Variants in GCA observed in about 807,000 individuals in gnomAD.
The protein encoded by GCA is grancalcin.
Under a neutral mutation model 32.6 loss-of-function variants are expected in GCA, and 30 were observed. The observed-to-expected ratio is 0.92, with a 90% CI of 0.69 to 1.25. The LOEUF is 1.25. Ranked by LOEUF, GCA falls within the 50% of genes most tolerant of loss-of-function variation. GCA has a pLI of 0.00. For missense variants in GCA, 291 were observed against 266.8 expected, an observed-to-expected ratio of 1.09 and a Z score of -0.63; for synonymous variants, 102 against 84.6, an observed-to-expected ratio of 1.21 and a Z score of -1.13.
At chr2:162,329,485 AT>A (rs1334775735) in intron 1 of GCA, among the ~76,000 whole-genome samples, 27 of 152,126 alleles carry the variant, frequency 1.8e-4, no homozygotes, top group African/African-American at 6.3e-4. Context: ...AGTTATATAA[AT>A]TACATTTTAA....
upstream of GCA, among the ~76,000 whole-genome samples, chr2:162,340,191 G>T (rs1314616646): frequency 6.6e-6 from 1 of 152,156 alleles, no homozygotes; most frequent in African/African-American, 2.4e-5. Flanking sequence ...AGATGCAAAT[G>T]CTGAGTGGTT....
Position 162,360,638 on chromosome 2 carries a change from C to A in GCA, c.*395C>A. ...ACTTATCTGAAGGTTACAAATTAGA[C>A]TTTTAAATTTTCTTTGTAGTTGGTG... On this transcript the variant is annotated 3_prime_UTR_variant, in exon 8 of 8. Transcript: ENST00000437150. The A allele has an allele frequency of 8.0e-7, 1 of 1,244,560 alleles. No individual in the cohort carries two copies. Among genetic ancestry groups the A allele is most frequent in the Non-Finnish European group, 1.0e-6 (1 of 990,016 alleles). The allele number at this position is 1,244,560 out of a possible 1,614,324, so 77.1% of individuals were successfully genotyped here.
intron 1 of GCA, among the ~76,000 whole-genome samples, chr2:162,320,350 G>A (rs1213484606): frequency 6.6e-6 from 1 of 152,180 alleles, no homozygotes; most frequent in East Asian, 1.9e-4. Context: ...TTGGGTCTAT[G>A]AAAATATCTT....
At chr2:162,371,927 G>A (rs1473729861), downstream of GCA, 1 of 1,613,762 alleles carries the variant, frequency 6.2e-7, no homozygotes, top group African/African-American at 1.3e-5. Flanking sequence ...TGCCTAATTG[G>A]ATGAACGTAA....
chr2:162,373,866 TC>T (rs1686058684), downstream of GCA, among the ~76,000 whole-genome samples: 1 of 152,240 alleles, frequency 6.6e-6, no homozygotes. Context: ...ACTATTGCTT[TC>T]CTGTTCATAT....
At chr2:162,370,115 G>A (rs1216235630) in intron 4 of GCA, among the ~76,000 whole-genome samples, 2 of 152,122 alleles carry the variant, frequency 1.3e-5, no homozygotes, top group Non-Finnish European at 2.9e-5. Flanking sequence ...GCAATCTAAG[G>A]TCACTTTAAT....
exon 1 of GCA, chr2:162,319,223 G>C (rs1424139233): frequency 2.2e-6 from 1 of 457,006 alleles, no homozygotes; most frequent in Non-Finnish European, 4.4e-6. Context: ...TGGGAATTTG[G>C]AGGTGGGTTC....
At chr2:162,325,788 C>A (rs571951253) in intron 1 of GCA, among the ~76,000 whole-genome samples, 2 of 152,276 alleles carry the variant, frequency 1.3e-5, no homozygotes, top group South Asian at 4.1e-4. Context: ...TAACATCTCT[C>A]CAGGAGAGTT....
rs751690544 is a variant in GCA at position 162,356,863 on chromosome 2, A to G, written c.412A>G (p.Thr138Ala). 3.7e-6 allele frequency: 6 copies of G among 1,610,292 alleles called. No homozygotes were observed. The South Asian group carries it at 6.6e-5, about 18-fold the overall frequency. ...FMTVDQDGSG[T>A]VEHHELRQAI... ...GACTGTTGATCAAGATGGAAGTGGCACAGTAGAACATCATGAGTTGCGTCA... is the reference window on the plus strand; with the variant it reads ...GACTGTTGATCAAGATGGAAGTGGCGCAGTAGAACATCATGAGTTGCGTCA... Residue 138 changes from threonine to alanine, a missense_variant, in exon 5 of 8, where the codon ACA becomes GCA. Transcript: ENST00000437150.
At position 162,344,210 on chromosome 2, in the gene GCA, G is replaced by T. The variant is rs774844613; in HGVS notation, c.-39G>T. On this transcript the variant is annotated 5_prime_UTR_variant, in exon 1 of 8. Coordinates refer to ENST00000437150, the MANE Select transcript of GCA (RefSeq NM_012198.5). ...CTTTTTCTCCCAGCACTGCGGACGC[G>T]ACTCGAGGGTGACGCTCGCTCCGCT... 65 of 1,613,108 alleles carry T rather than the reference G, an allele frequency of 4.0e-5. 1 individual carries two copies. The South Asian group carries it at 6.7e-4, about 17-fold the overall frequency.
intron 1 of GCA, among the ~76,000 whole-genome samples, chr2:162,337,629 G>A (rs1016713765): frequency 2.6e-5 from 4 of 152,024 alleles, no homozygotes; most frequent in Non-Finnish European, 5.9e-5. Flanking sequence ...GCATTAATTG[G>A]GCTCATTATA....
rs1685944684 is a variant in GCA at position 162,371,495 on chromosome 2, G to A, written c.*115G>A. The A allele has an allele frequency of 8.1e-6, 10 of 1,242,206 alleles. No homozygotes were observed. The Admixed American group carries it at 8.1e-5, about 10-fold the overall frequency. The allele number at this position is 1,242,206 out of a possible 1,614,324, so 76.9% of individuals were successfully genotyped here. Reference sequence around the variant, plus strand: ...TTTGCGTGGAAGGCATTTTCATAACGAAGTACTGGTTTAGTAAAAGCAGTA... The same window carrying A: ...TTTGCGTGGAAGGCATTTTCATAACAAAGTACTGGTTTAGTAAAAGCAGTA... On this transcript the variant is annotated 3_prime_UTR_variant, in exon 5 of 5. Transcript: ENST00000414723.
At chr2:162,371,720 T>C, downstream of GCA, 2 of 1,070,250 alleles carry the variant, frequency 1.9e-6, no homozygotes, top group Non-Finnish European at 2.6e-6. Context: ...CTTTTGCATA[T>C]AATGGTACCT....
chr2:162,332,738 GAACATAAGGAA>G (rs1684142200), intron 1 of GCA, among the ~76,000 whole-genome samples: 1 of 151,484 alleles, frequency 6.6e-6, no homozygotes, highest in Non-Finnish European at 1.5e-5. Flanking sequence ...AAGTTATGGA[GAACATAAGGAA>G]ATTCAACTTC....
At position 162,362,632 on chromosome 2, in the gene GCA, G is replaced by T. The variant is rs1304849322; in HGVS notation, c.*2389G>T. Reference sequence around the variant, plus strand: ...TTTTTAATAAACATTCAAATAGCTTGCTGTAAAGTTTTGTATCATACAAAA... The same window carrying T: ...TTTTTAATAAACATTCAAATAGCTTTCTGTAAAGTTTTGTATCATACAAAA... On this transcript the variant is annotated 3_prime_UTR_variant, in exon 8 of 8. Coordinates refer to ENST00000437150, the MANE Select transcript of GCA (RefSeq NM_012198.5). The T allele has an allele frequency of 1.2e-6, 1 of 862,034 alleles. No homozygotes were observed. The highest frequency in any genetic ancestry group is 1.2e-4 in the East Asian group (1 of 8,260). The allele number at this position is 862,034 out of a possible 1,614,324, so 53.4% of individuals were successfully genotyped here.
intron 5 of GCA, among the ~76,000 whole-genome samples, chr2:162,357,409 T>C (rs973643768): frequency 6.6e-6 from 1 of 151,874 alleles, no homozygotes; most frequent in Non-Finnish European, 1.5e-5. Flanking sequence ...ATACCTCTGA[T>C]AAGCTGATGT....
chr2:162,320,163 G>A (rs1001517798), intron 1 of GCA, among the ~76,000 whole-genome samples: 1 of 152,198 alleles, frequency 6.6e-6, no homozygotes, highest in African/African-American at 2.4e-5. Flanking sequence ...TACACTGAAA[G>A]TTGAAGTAAA....
At chr2:162,343,987 G>A (rs1684540766), upstream of GCA, 20 of 564,044 alleles carry the variant, frequency 3.5e-5, no homozygotes, top group East Asian at 4.7e-4. Flanking sequence ...AGCCAATCAG[G>A]GCAGAGATGG....
chr2:162,361,094 A>C lies in GCA; in HGVS notation c.*851A>C. The stretch of plus-strand genomic sequence containing the variant: ...TGTAATGTCAACTCTTTATAAACTT[A>C]AAAATAAACAAGTAATTAACCACTC... On this transcript the variant is annotated 3_prime_UTR_variant, in exon 8 of 8. Coordinates refer to ENST00000437150, the MANE Select transcript of GCA (RefSeq NM_012198.5). The C allele has an allele frequency of 1.1e-6, 1 of 947,584 alleles. No homozygotes were observed. The highest frequency in any genetic ancestry group is 1.3e-6 in the Non-Finnish European group (1 of 791,764). The allele number at this position is 947,584 out of a possible 1,614,324, so 58.7% of individuals were successfully genotyped here.
Sources: allele counts gnomAD v4.1 joint callset (sites outside exome capture counted in the v4.1 genomes callset), GRCh38; gene constraint gnomAD v4.1.1; transcripts MANE v1.5; gene names NCBI Gene and HGNC (gene_info 2026-07-23, HGNC 2026-07-21).